Variants in GRID1 observed in about 807,000 individuals in gnomAD.
GRID1 encodes the protein glutamate ionotropic receptor delta type subunit 1, also known as glutamate receptor ionotropic, delta-1.
Under a neutral mutation model 98.0 loss-of-function variants are expected in GRID1, and 28 were observed. The ratio of observed to expected loss-of-function variants is 0.29; its 90% CI spans 0.21 to 0.39. GRID1 has a LOEUF of 0.39. Among genes scored for constraint, GRID1 ranks in the 10% least tolerant of loss-of-function variants. The pLI, the probability that GRID1 is intolerant of heterozygous loss-of-function variation, is 1.00. For synonymous variants in GRID1, 553 were observed against 538.5 expected, an observed-to-expected ratio of 1.03 and a Z score of -0.37; for missense variants, 1,111 against 1,340.5, an observed-to-expected ratio of 0.83 and a Z score of 2.67.
intron 5 of GRID1, among the ~76,000 whole-genome samples, chr10:85,907,323 G>T (rs1254869749): frequency 2.6e-5 from 4 of 152,060 alleles, no homozygotes; most frequent in African/African-American, 9.7e-5. Context: ...TGTTGGCCAG[G>T]CTGGTCTGGA....
intron 8 of GRID1, among the ~76,000 whole-genome samples, chr10:85,826,227 C>G (rs1223415798): frequency 6.6e-6 from 1 of 152,024 alleles, no homozygotes; most frequent in Non-Finnish European, 1.5e-5. Flanking sequence ...CCCAGCTACT[C>G]GGGAGGCTAA....
At chr10:86,212,855 G>T (rs1026697927) in intron 2 of GRID1, among the ~76,000 whole-genome samples, 9 of 152,116 alleles carry the variant, frequency 5.9e-5, no homozygotes, top group African/African-American at 1.9e-4. Flanking sequence ...GAATAAATAC[G>T]TTTCATCTTT....
intron 6 of GRID1, among the ~76,000 whole-genome samples, chr10:85,857,614 T>C (rs1266716538): frequency 6.6e-6 from 1 of 152,162 alleles, no homozygotes; most frequent in East Asian, 1.9e-4. Context: ...GGCCCCCCAC[T>C]GATAACTGTT....
At position 86,138,936 on chromosome 10, in the gene GRID1, G is replaced by C; in HGVS notation, c.609C>G (p.His203Gln). 1 of 1,613,730 alleles carries C rather than the reference G, an allele frequency of 6.2e-7. No homozygotes were observed. The stretch of plus-strand genomic sequence containing the variant: ...TCGTGGTGAAGAGGCTGGTGAATAC[G>C]TGGCTAATGTTCTTGTCCACCTTTT... ...SLQKVDKNIS[H>Q]VFTSLFTTMK... is the part of the protein sequence containing the mutation. Residue 203 changes from histidine to glutamine, a missense_variant, in exon 4 of 16, where the codon CAC (histidine) becomes CAG (glutamine). His to Gln is a conservative substitution (Grantham distance 24). This residue lies in a region of GRID1 where 346 missense variants were observed against 452.3 expected (regional missense o/e 0.76). Coordinates refer to ENST00000327946, the MANE Select transcript of GRID1 (RefSeq NM_017551.3).
chr10:85,723,721 G>A (rs2132651334), intron 11 of GRID1, among the ~76,000 whole-genome samples: 1 of 152,260 alleles, frequency 6.6e-6, no homozygotes, highest in African/African-American at 2.4e-5. Flanking sequence ...GCCTCTTTGA[G>A]GCCAATTATT....
At chr10:86,067,874 C>G (rs1462960650) in intron 4 of GRID1, among the ~76,000 whole-genome samples, 2 of 152,332 alleles carry the variant, frequency 1.3e-5, no homozygotes, top group Admixed American at 6.5e-5. Flanking sequence ...CCCCGCTGTG[C>G]CAAGCTTCCT....
intron 8 of GRID1, among the ~76,000 whole-genome samples, chr10:85,847,096 T>A (rs1181395201): frequency 6.6e-6 from 1 of 152,042 alleles, no homozygotes; most frequent in Non-Finnish European, 1.5e-5. Flanking sequence ...TCACCTGCTA[T>A]AACAAAAAAA....
chr10:85,891,950 G>C (rs1841207134), intron 5 of GRID1, among the ~76,000 whole-genome samples: 2 of 151,830 alleles, frequency 1.3e-5, no homozygotes, highest in South Asian at 4.2e-4. Flanking sequence ...ATGGTAGATG[G>C]TAATTAGGAA....
chr10:85,926,275 C>G (rs998551625), intron 4 of GRID1, among the ~76,000 whole-genome samples: 1 of 152,108 alleles, frequency 6.6e-6, no homozygotes, highest in African/African-American at 2.4e-5. Context: ...CACCTGGGCA[C>G]TCAATTTGGG....
At chr10:86,022,138 T>G (rs972498359) in intron 4 of GRID1, among the ~76,000 whole-genome samples, 1 of 152,184 alleles carries the variant, frequency 6.6e-6, no homozygotes, top group Non-Finnish European at 1.5e-5. Flanking sequence ...TCTAAACCAG[T>G]GTGTATTGTA....
intron 4 of GRID1, among the ~76,000 whole-genome samples, chr10:86,089,746 A>G (rs1355666530): frequency 6.6e-6 from 1 of 152,176 alleles, no homozygotes; most frequent in Non-Finnish European, 1.5e-5. Flanking sequence ...CAAACAAAAA[A>G]AAATTTTTTT....
chr10:85,936,706 C>T (rs932932381), intron 4 of GRID1, among the ~76,000 whole-genome samples: 3 of 152,014 alleles, frequency 2.0e-5, no homozygotes, highest in South Asian at 2.1e-4. Flanking sequence ...CATAAGGATC[C>T]CTTTGCCCTT....
intron 2 of GRID1, among the ~76,000 whole-genome samples, chr10:86,336,857 T>TA (rs1848228984): frequency 6.6e-6 from 1 of 150,852 alleles, no homozygotes; most frequent in Non-Finnish European, 1.5e-5. Context: ...TATTTTTTTT[T>TA]TTTTTGAGAC....
In GRID1 at chr10:85,967,280, C is replaced by T. The variant is rs148363991; in HGVS notation, c.727-51041G>A. ...CACACTACAGGTAATAAAGACATCA[C>T]AAAACTAGTCCATCAAAGTTACTAA... On this transcript the variant is annotated intron_variant, in intron 4 of 15. Coordinates refer to ENST00000327946, the MANE Select transcript of GRID1 (RefSeq NM_017551.3). Among the ~76,000 whole-genome samples the T allele has an allele frequency of 1.9e-3, 283 of 151,920 alleles. 10 individuals are homozygous for T. The East Asian group carries it at 0.052, about 28-fold the overall frequency.
chr10:85,688,641 G>C (rs1841296568), intron 12 of GRID1, among the ~76,000 whole-genome samples: 1 of 152,232 alleles, frequency 6.6e-6, no homozygotes, highest in Non-Finnish European at 1.5e-5. Context: ...TGCATCTCTA[G>C]ATGGCAAACG....
intron 10 of GRID1, among the ~76,000 whole-genome samples, chr10:85,726,116 G>A (rs1473004143): frequency 1.3e-5 from 2 of 152,188 alleles, no homozygotes. Flanking sequence ...CAGGGGACAG[G>A]GGACACTCCC....
chr10:85,992,967 T>C (rs541663558), intron 4 of GRID1, among the ~76,000 whole-genome samples: 1 of 151,858 alleles, frequency 6.6e-6, no homozygotes, highest in Non-Finnish European at 1.5e-5. Context: ...AAAATAACAA[T>C]TTTAGAAGTT....
intron 3 of GRID1, among the ~76,000 whole-genome samples, chr10:86,174,617 C>T (rs1377778787): frequency 1.9e-4 from 29 of 152,058 alleles, no homozygotes; most frequent in Admixed American, 3.9e-4. Flanking sequence ...AAAGCAATGG[C>T]AACAAAAGCC....
At chr10:85,646,974 C>G (rs1843201653) in intron 13 of GRID1, 2 of 568,002 alleles carry the variant, frequency 3.5e-6, no homozygotes, top group Non-Finnish European at 6.3e-6. Context: ...CAGGCTTAAT[C>G]TGCCTGCTCC....
Sources: gnomAD v4.1 joint callset for allele counts (sites outside exome capture counted in the v4.1 genomes callset) on GRCh38, gnomAD v4.1.1 for gene constraint, gnomAD v4.1.1 regional missense constraint, MANE v1.5 for transcripts, NCBI Gene and HGNC (gene_info 2026-07-23, HGNC 2026-07-21) for gene names.